The following USP48 variants were observed in gnomAD, a reference collection of about 807,000 sequenced individuals.
USP48 encodes ubiquitin specific peptidase 48, also known as ubiquitin carboxyl-terminal hydrolase 48.
USP48 carries 43 observed loss-of-function variants against 150.7 expected under a neutral mutation model. That is an observed-to-expected ratio of 0.29 (90% CI 0.22 to 0.37). USP48 has a LOEUF of 0.37. Ranked by LOEUF, USP48 falls within the 10% of genes least tolerant of loss-of-function variation. USP48 has a pLI of 1.00. For missense variants in USP48, 813 were observed against 1,249.6 expected (o/e 0.65, Z 5.27); for synonymous variants, 396 against 425.9 (o/e 0.93, Z 0.86).
At chr1:21,740,429 G>C (rs185566378) in intron 8 of USP48, among the ~76,000 whole-genome samples, 61 of 152,316 alleles carry the variant, frequency 4.0e-4, no homozygotes, top group African/African-American at 1.4e-3. Flanking sequence ...AAAATTATCT[G>C]CCTTATACTT....
chr1:21,737,241 T>TA (rs2097770720), intron 8 of USP48, among the ~76,000 whole-genome samples: 1 of 152,166 alleles, frequency 6.6e-6, no homozygotes. Flanking sequence ...ATCATCACAT[T>TA]AGCACCTTCA....
chr1:21,782,754 T>C (rs907860893), intron 1 of USP48, 70 bp downstream of exon 1: 3 of 1,454,436 alleles, frequency 2.1e-6, no homozygotes. Flanking sequence ...CGTCTTCCTT[T>C]CCCCTACCCC....
chr1:21,684,650 T>C (rs1453275107), intron 25 of USP48, among the ~76,000 whole-genome samples: 1 of 148,686 alleles, frequency 6.7e-6, no homozygotes, highest in Non-Finnish European at 1.5e-5. Flanking sequence ...TCCCCCATAT[T>C]GAATTCTAGC....
At chr1:21,742,767 G>A (rs1258537884) in intron 8 of USP48, among the ~76,000 whole-genome samples, 2 of 152,040 alleles carry the variant, frequency 1.3e-5, no homozygotes, top group African/African-American at 4.8e-5. Flanking sequence ...GGCCCCAAAT[G>A]CCTGACAGAA....
Position 21,774,990 on chromosome 1 carries a change from AAAATAAATAAATAAATAAATAAAT to A in USP48, c.134+7810_134+7833del, listed in dbSNP as rs147019343. Among the ~76,000 whole-genome samples, 1,343 of 146,146 alleles carry A rather than the reference AAAATAAATAAATAAATAAATAAAT, an allele frequency of 9.2e-3. 19 individuals are homozygous for A. The highest frequency in any genetic ancestry group is 0.032 in the African/African-American group (1,266 of 39,848). On this transcript the variant is annotated intron_variant, in intron 1 of 26. Coordinates refer to ENST00000308271, the MANE Select transcript of USP48 (RefSeq NM_032236.8). ...TGGGCAACAAAGCTAGACTCTCTCAAAAATAAATAAATAAATAAATAAATAAATAAATAAATAAATAAATAAGGC... is the reference window on the plus strand; with the variant it reads ...TGGGCAACAAAGCTAGACTCTCTCAAAAATAAATAAATAAATAAATAAGGC...
intron 6 of USP48, among the ~76,000 whole-genome samples, chr1:21,749,614 A>G (rs1479311676): frequency 1.1e-4 from 16 of 151,516 alleles, no homozygotes; most frequent in Non-Finnish European, 7.4e-5. Flanking sequence ...TCATTATTTT[A>G]TTTTTACAGA....
chr1:21,695,009 G>A (rs2097622298), intron 23 of USP48, 57 bp downstream of exon 23: 1 of 1,527,286 alleles, frequency 6.5e-7, no homozygotes, highest in Non-Finnish European at 8.8e-7. Flanking sequence ...GTGGAAAGCA[G>A]GAATTCATAA....
chr1:21,689,217 CTTTT>C (rs11403689), intron 24 of USP48, among the ~76,000 whole-genome samples: 1 of 133,272 alleles, frequency 7.5e-6, no homozygotes, highest in Non-Finnish European at 1.6e-5. Flanking sequence ...CCATTTTTTG[CTTTT>C]TTTTTTTGTG....
chr1:21,754,990 C>A (rs2097827907), intron 3 of USP48, among the ~76,000 whole-genome samples: 4 of 152,102 alleles, frequency 2.6e-5, no homozygotes, highest in Non-Finnish European at 5.9e-5. Context: ...TCTCTTTCAG[C>A]CCCAGGGATA....
intron 1 of USP48, among the ~76,000 whole-genome samples, chr1:21,777,166 T>C (rs2097901916): frequency 4.0e-5 from 6 of 150,922 alleles, no homozygotes; most frequent in Admixed American, 3.3e-4. Flanking sequence ...AGCATGCTTG[T>C]AGTCACAGCT....
At chr1:21,736,169 G>A (rs2097768501) in intron 9 of USP48, among the ~76,000 whole-genome samples, 1 of 152,146 alleles carries the variant, frequency 6.6e-6, no homozygotes, top group South Asian at 2.1e-4. Flanking sequence ...AGGAAGGGAA[G>A]GCTGAGGCAG....
At chr1:21,780,954 C>A (rs571029347) in intron 1 of USP48, among the ~76,000 whole-genome samples, 9 of 151,032 alleles carry the variant, frequency 6.0e-5, no homozygotes, top group African/African-American at 2.2e-4. Context: ...GCTGGCCAGG[C>A]TGGTCTCGAA....
chr1:21,736,341 GATAGTCT>G (rs2152563251), intron 9 of USP48, 98 bp downstream of exon 9: 1 of 1,148,572 alleles, frequency 8.7e-7, no homozygotes, highest in African/African-American at 1.6e-5. Flanking sequence ...AAATATCCTT[GATAGTCT>G]GTAACATAAC....
At chr1:21,723,390 C>T (rs923018763) in intron 12 of USP48, among the ~76,000 whole-genome samples, 12 of 151,924 alleles carry the variant, frequency 7.9e-5, no homozygotes, top group African/African-American at 2.4e-4. Flanking sequence ...CATGGTGGTG[C>T]GCACCTGTAA....
chr1:21,713,319 G>A (rs917232413), intron 15 of USP48, among the ~76,000 whole-genome samples: 1 of 152,066 alleles, frequency 6.6e-6, no homozygotes, highest in Non-Finnish European at 1.5e-5. Flanking sequence ...ATGATGCCAA[G>A]GCTAGTCTCA....
intron 1 of USP48, among the ~76,000 whole-genome samples, chr1:21,762,207 C>T (rs1418114597): frequency 6.6e-6 from 1 of 151,978 alleles, no homozygotes; most frequent in Non-Finnish European, 1.5e-5. Flanking sequence ...GCAGGGTTTG[C>T]AGTGAGCTGT....
At chr1:21,729,671 T>C (rs2097751316) in intron 10 of USP48, 33 bp downstream of exon 10, 2 of 1,605,492 alleles carry the variant, frequency 1.2e-6, no homozygotes, top group Admixed American at 1.7e-5. Context: ...TTCTAAAACA[T>C]TTGCCTGCTA....
intron 23 of USP48, among the ~76,000 whole-genome samples, chr1:21,693,318 C>G (rs1467298160): frequency 6.6e-6 from 1 of 152,152 alleles, no homozygotes; most frequent in Admixed American, 6.6e-5. Flanking sequence ...TTCAAGCAAA[C>G]CTTACAAACT....
Position 21,695,141 on chromosome 1 carries a change from C to T in USP48, c.2808G>A (p.Met936Ile). 1 of 1,613,660 alleles carries T rather than the reference C, an allele frequency of 6.2e-7. No individual in the cohort carries two copies. Among genetic ancestry groups the T allele is most frequent in the Non-Finnish European group, 8.5e-7 (1 of 1,179,888 alleles). ...AYQKQVIRRS[M>I]RHRKVRGEKA... ...TCTCACCACGAACTTTTCTATGTCG[C>T]ATACTTCGGCGAATAACTTGCTTTT... Residue 936 changes from methionine to isoleucine, a missense_variant, in exon 23 of 27, where the codon ATG (methionine) becomes ATA (isoleucine). Physicochemically the swap from Met to Ile is conservative, Grantham distance 10. Coordinates refer to ENST00000308271, the MANE Select transcript of USP48 (RefSeq NM_032236.8).
Sources: allele counts gnomAD v4.1 joint callset (sites outside exome capture counted in the v4.1 genomes callset), GRCh38; gene constraint gnomAD v4.1.1; transcripts MANE v1.5; gene names NCBI Gene and HGNC (gene_info 2026-07-23, HGNC 2026-07-21).